FOXP1: variants seen among roughly 807,000 people sequenced by gnomAD.
FOXP1 encodes the protein forkhead box P1.
Under a neutral mutation model 98.2 loss-of-function variants are expected in FOXP1, and 15 were observed. The ratio of observed to expected loss-of-function variants is 0.15; its 90% confidence interval spans 0.10 to 0.24. The LOEUF (loss-of-function observed/expected upper bound fraction) is 0.24. Ranked by LOEUF, FOXP1 falls within the 10% of genes least tolerant of loss-of-function variation. The pLI is 1.00. For synonymous variants in FOXP1, 371 were observed against 314.5 expected (o/e 1.18, Z -1.90); for missense variants, 633 against 848.5 (o/e 0.75, Z 3.15).
chr3:71,580,863 A>C, intron 2 of FOXP1: 15 of 985,432 alleles, frequency 1.5e-5, no homozygotes, highest in Non-Finnish European at 1.8e-5. Context: ...TGCCTTTCAA[A>C]GGGAATCCAG....
intron 2 of FOXP1, among the ~76,000 whole-genome samples, chr3:71,525,833 T>C (rs1201286240): frequency 6.6e-6 from 1 of 152,158 alleles, no homozygotes; most frequent in Non-Finnish European, 1.5e-5. Flanking sequence ...ATAGGAGTAC[T>C]GGCCGGGTGC....
At chr3:71,181,634 G>T (rs1457614928) in intron 6 of FOXP1, among the ~76,000 whole-genome samples, 1 of 152,170 alleles carries the variant, frequency 6.6e-6, no homozygotes, top group African/African-American at 2.4e-5. Context: ...ATGAAATGGG[G>T]TAAGCAACGA....
At chr3:71,464,552 T>C (rs1350156173) in intron 3 of FOXP1, among the ~76,000 whole-genome samples, 1 of 152,162 alleles carries the variant, frequency 6.6e-6, no homozygotes, top group Non-Finnish European at 1.5e-5. Flanking sequence ...CTCTGGCTCC[T>C]GGGAGTTGGG....
intron 6 of FOXP1, among the ~76,000 whole-genome samples, chr3:71,187,419 CT>C (rs926157769): frequency 2.0e-5 from 3 of 152,024 alleles, no homozygotes; most frequent in African/African-American, 7.2e-5. Flanking sequence ...AACCCTGTCT[CT>C]ACTAAAAATA....
At chr3:71,174,725 G>A (rs1335065999) in intron 6 of FOXP1, among the ~76,000 whole-genome samples, 2 of 149,574 alleles carry the variant, frequency 1.3e-5, no homozygotes, top group Admixed American at 6.7e-5. Context: ...TTTTAGAAAT[G>A]CTATGACTCT....
At chr3:71,363,172 T>G (rs2078689983) in intron 3 of FOXP1, among the ~76,000 whole-genome samples, 1 of 152,102 alleles carries the variant, frequency 6.6e-6, no homozygotes, top group South Asian at 2.1e-4. Context: ...GTTAAAAAAT[T>G]GAAAATTTTT....
chr3:71,522,130 G>A (rs2043039473), intron 2 of FOXP1, among the ~76,000 whole-genome samples: 1 of 152,006 alleles, frequency 6.6e-6, no homozygotes, highest in Admixed American at 6.6e-5. Context: ...TACACCCTTG[G>A]GCCTGCCAAG....
intron 11 of FOXP1, among the ~76,000 whole-genome samples, chr3:71,025,097 A>T (rs1252219752): frequency 6.6e-6 from 1 of 152,144 alleles, no homozygotes; most frequent in Non-Finnish European, 1.5e-5. Flanking sequence ...AACCTATTTA[A>T]ACGAGACGAT....
At chr3:71,561,449 C>A (rs1016371089) in intron 2 of FOXP1, among the ~76,000 whole-genome samples, 2 of 149,422 alleles carry the variant, frequency 1.3e-5, no homozygotes, top group South Asian at 4.2e-4. Flanking sequence ...AGACTATGGC[C>A]AAGGTCCCTA....
chr3:71,532,457 T>C (rs1001264588), intron 2 of FOXP1, among the ~76,000 whole-genome samples: 23 of 152,260 alleles, frequency 1.5e-4, no homozygotes, highest in African/African-American at 5.5e-4. Flanking sequence ...ACAAACCAAA[T>C]ACACTCCCTG....
At chr3:71,122,611 T>C (rs2058858471) in intron 6 of FOXP1, among the ~76,000 whole-genome samples, 1 of 152,236 alleles carries the variant, frequency 6.6e-6, no homozygotes, top group Non-Finnish European at 1.5e-5. Flanking sequence ...TTGCTTACTA[T>C]GAACCAGACA....
chr3:71,521,923 G>C (rs1648036324), intron 2 of FOXP1, among the ~76,000 whole-genome samples: 1 of 152,136 alleles, frequency 6.6e-6, no homozygotes, highest in South Asian at 2.1e-4. Context: ...AGAAACCTCG[G>C]CCTTGGCTCC....
rs1369394195 is a variant in FOXP1, at chr3:71,583,703, G to C, written c.-579C>G. On this transcript the variant is annotated 5_prime_UTR_variant, in exon 1 of 21. Transcript: ENST00000649528. ...ACACGCGCGCACACACGCACTCCCGGGCGAGGGCCGGGCCGCCGCGAGTAC... is the reference window on the plus strand; with the variant it reads ...ACACGCGCGCACACACGCACTCCCGCGCGAGGGCCGGGCCGCCGCGAGTAC... The C allele has an allele frequency of 1.0e-6, 1 of 984,396 alleles. No homozygotes were observed. The highest frequency in any genetic ancestry group is 1.1e-4 in the East Asian group (1 of 8,730). The allele number at this position is 984,396 out of a possible 1,614,324, so 61.0% of individuals were successfully genotyped here.
intron 5 of FOXP1, among the ~76,000 whole-genome samples, chr3:71,207,436 G>C (rs188959470): frequency 6.6e-6 from 1 of 152,102 alleles, no homozygotes; most frequent in African/African-American, 2.4e-5. Flanking sequence ...AGTGAATGTG[G>C]GCCATCAGAA....
At chr3:71,456,603 A>AT (rs1218283343) in intron 3 of FOXP1, among the ~76,000 whole-genome samples, 1 of 152,152 alleles carries the variant, frequency 6.6e-6, no homozygotes, top group African/African-American at 2.4e-5. Context: ...AGGACAATGT[A>AT]TTTGTCTTCT....
At chr3:71,480,245 G>A (rs1464772167) in intron 3 of FOXP1, among the ~76,000 whole-genome samples, 1 of 152,096 alleles carries the variant, frequency 6.6e-6, no homozygotes, top group African/African-American at 2.4e-5. Flanking sequence ...GAACAGACTC[G>A]TGATCATGAA....
At chr3:71,029,806 G>T (rs2046625748) in intron 11 of FOXP1, among the ~76,000 whole-genome samples, 1 of 152,166 alleles carries the variant, frequency 6.6e-6, no homozygotes. Context: ...CTGATTAGCT[G>T]TGAGTTCCTG....
At chr3:70,977,134 T>G (rs1374213688) in intron 16 of FOXP1, 92 bp from the exon 17 acceptor site, 2 of 877,148 alleles carry the variant, frequency 2.3e-6, no homozygotes, top group Non-Finnish European at 3.9e-6. Context: ...TCACTGTGAT[T>G]CAGAGCTAAA....
At chr3:71,149,204 G>C (rs140440482) in intron 6 of FOXP1, among the ~76,000 whole-genome samples, 9 of 152,332 alleles carry the variant, frequency 5.9e-5, no homozygotes, top group Admixed American at 5.9e-4. Context: ...ATAACAGGCA[G>C]AAGGGTTGCC....
Sources: gnomAD v4.1 joint callset for allele counts (sites outside exome capture counted in the v4.1 genomes callset) on GRCh38, gnomAD v4.1.1 for gene constraint, MANE v1.5 for transcripts, NCBI Gene and HGNC (gene_info 2026-07-23, HGNC 2026-07-21) for gene names.